Variants in ONECUT2 observed in about 807,000 individuals in gnomAD.
ONECUT2 encodes the protein one cut homeobox 2, also known as one cut domain family member 2.
In ONECUT2, 10 loss-of-function variants were observed where a neutral mutation model predicts 27.9. That is an observed-to-expected ratio of 0.36 (90% CI 0.22 to 0.61). The LOEUF (loss-of-function observed/expected upper bound fraction) is 0.61. Ranked by LOEUF, ONECUT2 falls within the 20% of genes least tolerant of loss-of-function variation. ONECUT2 has a pLI of 0.73. For missense variants in ONECUT2, 686 were observed against 721.0 expected (o/e 0.95, Z 0.56); for synonymous variants, 334 against 315.1 (o/e 1.06, Z -0.64).
chr18:57,452,539 C>T (rs560878800), intron 1 of ONECUT2, among the ~76,000 whole-genome samples: 13 of 152,240 alleles, frequency 8.5e-5, no homozygotes, highest in Admixed American at 7.8e-4. Flanking sequence ...ACTCTCCTGC[C>T]TCAGCCTCCC....
At chr18:57,463,240 T>C (rs2050302976) in intron 1 of ONECUT2, among the ~76,000 whole-genome samples, 1 of 152,206 alleles carries the variant, frequency 6.6e-6, no homozygotes, top group Non-Finnish European at 1.5e-5. Flanking sequence ...TTGAATCCAG[T>C]GTCCATATGT....
chr18:57,484,575 G>A lies in ONECUT2; in HGVS notation c.*7852G>A, dbSNP rs903799954. On this transcript the variant is annotated 3_prime_UTR_variant, in exon 2 of 2. Transcript: ENST00000491143. ...AAATTCTGATTACAAATTGAGGAAG[G>A]AAACTGGTTGGAAATGGCCTTCAGT... 1 of 152,540 alleles carries A rather than the reference G, an allele frequency of 6.6e-6. No individual in the cohort carries two copies. Among genetic ancestry groups the A allele is most frequent in the Non-Finnish European group, 1.5e-5 (1 of 68,062 alleles). The allele number at this position is 152,540 out of a possible 1,614,324, so 9.4% of individuals were successfully genotyped here.
Position 57,476,807 on chromosome 18 carries a change from T to G in ONECUT2, c.*84T>G. ...GAAAACAAAGGAAAAAGACACCGGA[T>G]TCCTAGCTGGGGCCCTTCACTGGTG... On this transcript the variant is annotated 3_prime_UTR_variant, in exon 2 of 2. Coordinates refer to ENST00000491143, the MANE Select transcript of ONECUT2 (RefSeq NM_004852.3). The G allele has an allele frequency of 2.8e-6, 4 of 1,431,594 alleles. No homozygotes were observed. Among genetic ancestry groups the G allele is most frequent in the Non-Finnish European group, 3.8e-6 (4 of 1,060,450 alleles). 88.7% of individuals were successfully genotyped at this position (1,431,594 alleles called of 1,614,324 possible).
At chr18:57,470,501 A>G (rs1280431388) in intron 1 of ONECUT2, among the ~76,000 whole-genome samples, 1 of 152,130 alleles carries the variant, frequency 6.6e-6, no homozygotes, top group Non-Finnish European at 1.5e-5. Context: ...GGGGATCCAG[A>G]CTTTGGCTTC....
intron 1 of ONECUT2, among the ~76,000 whole-genome samples, chr18:57,456,883 G>A (rs1205946601): frequency 3.3e-5 from 5 of 152,190 alleles, no homozygotes; most frequent in African/African-American, 1.2e-4. Flanking sequence ...AGCTGAGGTG[G>A]GAGGATTGCT....
At chr18:57,455,700 G>T (rs1370898863) in intron 1 of ONECUT2, among the ~76,000 whole-genome samples, 9 of 151,678 alleles carry the variant, frequency 5.9e-5, no homozygotes, top group Non-Finnish European at 8.8e-5. Flanking sequence ...CTGCACCCTT[G>T]TCCTGCCCTT....
rs1231507384 is a variant in ONECUT2, at chr18:57,482,250, A to G, written c.*5527A>G. The G allele has an allele frequency of 6.6e-6, 1 of 152,156 alleles. No homozygotes were observed. Among genetic ancestry groups the G allele is most frequent in the African/African-American group, 2.4e-5 (1 of 41,430 alleles). The allele number at this position is 152,156 out of a possible 1,614,324, so 9.4% of individuals were successfully genotyped here. ...TTTGTTTCCAAGGTCGGGGAGGGAAAGAGGGGAGGGTTTATCTGTTTTAGA... is the reference window on the plus strand; with the variant it reads ...TTTGTTTCCAAGGTCGGGGAGGGAAGGAGGGGAGGGTTTATCTGTTTTAGA... On this transcript the variant is annotated 3_prime_UTR_variant, in exon 2 of 2. Coordinates refer to ENST00000491143, the MANE Select transcript of ONECUT2 (RefSeq NM_004852.3).
rs1385222328 is a variant in ONECUT2 at position 57,440,664 on chromosome 18, G to C, written c.1228+3720G>C. Among the ~76,000 whole-genome samples the C allele has an allele frequency of 3.3e-5, 5 of 152,330 alleles. No homozygotes were observed. In the East Asian group the frequency reaches 9.7e-4, roughly 29 times the overall value. On this transcript the variant is annotated intron_variant, in intron 1 of 1. Coordinates refer to ENST00000491143, the MANE Select transcript of ONECUT2 (RefSeq NM_004852.3). Reference sequence around the variant, plus strand: ...CGGCGGGACACGGCCCGGGCAGTGCGCAGTGGCTCCTGCTAGGGGCACCGC... The same window carrying C: ...CGGCGGGACACGGCCCGGGCAGTGCCCAGTGGCTCCTGCTAGGGGCACCGC...
At position 57,436,437 on chromosome 18, in the gene ONECUT2, A is replaced by G; in HGVS notation, c.721A>G (p.Asn241Asp). 1 of 1,612,606 alleles carries G rather than the reference A, an allele frequency of 6.2e-7. No homozygotes were observed. Among genetic ancestry groups the G allele is most frequent in the Non-Finnish European group, 8.5e-7 (1 of 1,179,856 alleles). ...GGGCAACGGGCTAGGCGGCCTCCAC[A>G]ACGCGCAGCAGAGTCTGCCCAACTA... is the stretch of plus-strand genomic sequence containing the variant. The part of the protein sequence containing the change: ...PLGNGLGGLH[N>D]AQQSLPNYGP... Residue 241 changes from asparagine (N) to aspartate (D), a missense_variant, in exon 1 of 2, where the codon AAC (asparagine) becomes GAC (aspartate). By Grantham distance (23) the Asn-to-Asp change is conservative. Coordinates refer to ENST00000491143, the MANE Select transcript of ONECUT2 (RefSeq NM_004852.3). The surrounding 1 kb of genome is among the most constrained non-coding windows in gnomAD (Gnocchi z 5.9).
intron 1 of ONECUT2, among the ~76,000 whole-genome samples, chr18:57,442,125 C>A (rs924425086): frequency 2.6e-5 from 4 of 152,070 alleles, no homozygotes; most frequent in Non-Finnish European, 4.4e-5. Flanking sequence ...CCCTGCCAAC[C>A]ACTCCCCTGG....
chr18:57,440,465 C>T (rs1054775641), intron 1 of ONECUT2, among the ~76,000 whole-genome samples: 36 of 152,238 alleles, frequency 2.4e-4, no homozygotes, highest in African/African-American at 8.7e-4. Flanking sequence ...CCAGTGAGCC[C>T]GGATCCCCCA....
At position 57,487,710 on chromosome 18, in the gene ONECUT2, A is replaced by G. The variant is rs2050445253; in HGVS notation, c.*10987A>G. On this transcript the variant is annotated 3_prime_UTR_variant, in exon 2 of 2. Coordinates refer to ENST00000491143, the MANE Select transcript of ONECUT2 (RefSeq NM_004852.3). ...TAGACTTGGAGGTGACTCTCACTTA[A>G]TTTTTACCTGCCCAACAATGTTCCA... is the stretch of plus-strand genomic sequence containing the variant. 2 of 152,086 alleles carry G rather than the reference A, an allele frequency of 1.3e-5. No homozygotes were observed. The highest frequency in any genetic ancestry group is 4.1e-4 in the South Asian group (2 of 4,826). The allele number at this position is 152,086 out of a possible 1,614,324, so 9.4% of individuals were successfully genotyped here.
chr18:57,455,769 G>A (rs1370063651), intron 1 of ONECUT2, among the ~76,000 whole-genome samples: 1 of 152,096 alleles, frequency 6.6e-6, no homozygotes, highest in Non-Finnish European at 1.5e-5. Context: ...GGGGTCTAGG[G>A]AAACAGAGGG....
chr18:57,468,899 T>TCTGCTGCATGGAACTA (rs2050338592), intron 1 of ONECUT2, among the ~76,000 whole-genome samples: 1 of 152,196 alleles, frequency 6.6e-6, no homozygotes, highest in South Asian at 2.1e-4. Flanking sequence ...TGCAGATTAG[T>TCTGCTGCATGGAACTA]TCCAAAGGAA....
intron 1 of ONECUT2, among the ~76,000 whole-genome samples, chr18:57,466,075 C>A (rs1445680877): frequency 2.6e-5 from 4 of 152,190 alleles, no homozygotes; most frequent in Non-Finnish European, 5.9e-5. Flanking sequence ...GGTGTCCCTC[C>A]TCCACCCTGC....
Position 57,476,655 on chromosome 18 carries a change from G to A in ONECUT2, c.1447G>A (p.Glu483Lys). ...FFMNARRRSL[E>K]KWQDDLSTGG... is the part of the protein sequence containing the mutation. The stretch of plus-strand genomic sequence containing the variant: ...CATGAACGCCCGGCGCCGCAGCCTG[G>A]AGAAGTGGCAAGACGATCTGAGCAC... The change falls in exon 2 of 2, where the codon GAG (glutamate) becomes AAG (lysine). Residue 483 changes from glutamate to lysine, a missense_variant. Around this residue, in one of 4 missense-constraint regions of ONECUT2, gnomAD observed 77 missense variants for 105.5 expected, o/e 0.73. Coordinates refer to ENST00000491143, the MANE Select transcript of ONECUT2 (RefSeq NM_004852.3). 1.2e-6 allele frequency: 2 copies of A among 1,614,222 alleles called. No individual in the cohort carries two copies. The highest frequency in any genetic ancestry group is 1.7e-6 in the Non-Finnish European group (2 of 1,180,052).
Position 57,488,514 on chromosome 18 carries a change from CAAG to C in ONECUT2, c.*11796_*11798del, listed in dbSNP as rs1459199030. 6 of 152,542 alleles carry C rather than the reference CAAG, an allele frequency of 3.9e-5. No individual in the cohort carries two copies. Among genetic ancestry groups the C allele is most frequent in the Non-Finnish European group, 5.9e-5 (4 of 68,020 alleles). 9.4% of individuals were successfully genotyped at this position (152,542 alleles called of 1,614,324 possible). On this transcript the variant is annotated 3_prime_UTR_variant, in exon 2 of 2. Transcript: ENST00000491143. ...ATGGGTCTGGCTGGTTACACTTTGC[CAAG>C]AAGACTTGTCTTATGAAACCCAAGG...
chr18:57,463,195 C>T (rs2050302728), intron 1 of ONECUT2, among the ~76,000 whole-genome samples: 1 of 152,168 alleles, frequency 6.6e-6, no homozygotes, highest in South Asian at 2.1e-4. Flanking sequence ...GGAGAGAACA[C>T]ATGTTCCTCA....
At chr18:57,446,573 C>T (rs1461919684) in intron 1 of ONECUT2, among the ~76,000 whole-genome samples, 1 of 152,162 alleles carries the variant, frequency 6.6e-6, no homozygotes. Context: ...AAGCCCTGCA[C>T]CTTCCACAAG....
Sources: allele counts gnomAD v4.1 joint callset (sites outside exome capture counted in the v4.1 genomes callset), GRCh38; gene constraint gnomAD v4.1.1; regional missense constraint gnomAD v4.1.1; non-coding constraint Gnocchi (gnomAD v3.1); transcripts MANE v1.5; gene names NCBI Gene and HGNC (gene_info 2026-07-23, HGNC 2026-07-21).